CASK: variants seen among roughly 807,000 people sequenced by gnomAD.
The protein encoded by CASK is peripheral plasma membrane protein CASK.
CASK carries 4 observed loss-of-function variants against 82.9 expected under a neutral mutation model. The ratio of observed to expected loss-of-function variants is 0.05; its 90% CI spans 0.02 to 0.11. The LOEUF (loss-of-function observed/expected upper bound fraction) is 0.11. Ranked by LOEUF, CASK falls within the 10% of genes least tolerant of loss-of-function variation. CASK has a pLI of 1.00. For synonymous variants in CASK, 259 were observed against 253.5 expected, an observed-to-expected ratio of 1.02 and a Z score of -0.20; for missense variants, 358 against 720.9, an observed-to-expected ratio of 0.50 and a Z score of 5.76.
intron 5 of CASK, among the ~76,000 whole-genome samples, chrX:41,715,455 A>G (rs753607120): frequency 7.7e-4 from 85 of 111,005 alleles, no homozygotes; most frequent in African/African-American, 2.7e-3. Context: ...CCCCGTCTCT[A>G]CTAAAAATAC....
chrX:41,592,775 T>A (rs944773805), intron 12 of CASK, among the ~76,000 whole-genome samples: 3 of 112,012 alleles, frequency 2.7e-5, no homozygotes, highest in African/African-American at 9.7e-5. Context: ...TGATAGTTAC[T>A]AGTCTAAGCT....
intron 5 of CASK, chrX:41,727,869 T>C: frequency 1.7e-6 from 2 of 1,203,399 alleles, no homozygotes; most frequent in Non-Finnish European, 2.3e-6. Flanking sequence ...GAGATAACTG[T>C]CAGCAATTGA....
rs5918194 is a variant in CASK at position 41,523,748 on chromosome X, C to T, written c.2604+203G>A. Among the ~76,000 whole-genome samples, 11,542 of 111,642 alleles carry T rather than the reference C, an allele frequency of 0.1. 487 individuals carry two copies. Among genetic ancestry groups the T allele is most frequent in the Middle Eastern group, 0.16 (35 of 216 alleles). ...AGGTTGTGAGACACCTGGGATGCCT[C>T]GGTCCTGGTGGGAGTGAGGGTGTTT... On this transcript the variant is annotated intron_variant, in intron 26 of 26. Transcript: ENST00000378163.
chrX:41,704,881 G>A (rs1168845939), intron 5 of CASK, among the ~76,000 whole-genome samples: 3 of 111,914 alleles, frequency 2.7e-5, no homozygotes, highest in Non-Finnish European at 5.6e-5. Context: ...AGGAATTATA[G>A]TAGTACCTAA....
Position 41,586,949 on chromosome X carries a change from G to A in CASK, c.1272C>T (p.Asp424=), listed in dbSNP as rs756399346. ...EEISCYPENN[D]AKELKRILTQ... ...TTAAAATACGCTTTAGTTCCTTTGC[G>A]TCGTTATTCTCAGGGTAACATGAAA... The change falls in exon 14 of 27, where the codon GAC becomes GAT. Residue 424 remains aspartate (D), a synonymous_variant. Coordinates refer to ENST00000378163, the MANE Select transcript of CASK (RefSeq NM_001367721.1). The A allele has an allele frequency of 1.0e-5, 12 of 1,180,580 alleles. No homozygotes were observed. The African/African-American group carries it at 1.1e-4, about 10-fold the overall frequency.
chrX:41,536,053 T>C (rs2064869197), intron 22 of CASK, among the ~76,000 whole-genome samples: 1 of 111,689 alleles, frequency 9.0e-6, no homozygotes, highest in African/African-American at 3.3e-5. Context: ...TTTAGAGGGG[T>C]TAAAATAAAT....
intron 8 of CASK, among the ~76,000 whole-genome samples, chrX:41,643,082 G>C (rs1424432315): frequency 9.0e-6 from 1 of 110,758 alleles, no homozygotes; most frequent in African/African-American, 3.3e-5. Context: ...ATTTCTGAGG[G>C]CTCTGTTCTG....
At chrX:41,915,090 C>A (rs1292310236) in intron 1 of CASK, among the ~76,000 whole-genome samples, 1 of 111,340 alleles carries the variant, frequency 9.0e-6, no homozygotes, top group African/African-American at 3.3e-5. Flanking sequence ...TCTGTGCAGC[C>A]CATTATCCTG....
At chrX:41,841,714 G>C (rs777200748) in intron 2 of CASK, among the ~76,000 whole-genome samples, 1 of 110,780 alleles carries the variant, frequency 9.0e-6, no homozygotes, top group Admixed American at 9.6e-5. Context: ...AGTAGAGACA[G>C]GGTTTTGCCA....
At chrX:41,844,754 T>C (rs997344185) in intron 2 of CASK, among the ~76,000 whole-genome samples, 1 of 111,909 alleles carries the variant, frequency 8.9e-6, no homozygotes, top group Non-Finnish European at 1.9e-5. Context: ...AGTTTTCTTT[T>C]CCAGTTTCTT....
intron 5 of CASK, chrX:41,727,131 C>T: frequency 1.7e-6 from 2 of 1,197,955 alleles, no homozygotes; most frequent in Non-Finnish European, 2.3e-6. Context: ...GAAACACTCT[C>T]TCTCAATGGA....
At chrX:41,651,044 T>C (rs1259939515) in intron 8 of CASK, among the ~76,000 whole-genome samples, 1 of 112,363 alleles carries the variant, frequency 8.9e-6, no homozygotes, top group East Asian at 2.8e-4. Flanking sequence ...TTTTTGTCTT[T>C]CTTGTGCTAG....
intron 1 of CASK, among the ~76,000 whole-genome samples, chrX:41,877,032 C>G (rs1257807939): frequency 9.0e-6 from 1 of 111,567 alleles, no homozygotes; most frequent in Non-Finnish European, 1.9e-5. Context: ...GTTACAGTCA[C>G]TCTGCGCCAG....
chrX:41,777,638 T>C lies in CASK; in HGVS notation c.278+9540A>G, dbSNP rs185153513. Among the ~76,000 whole-genome samples, 8 of 111,516 alleles carry C rather than the reference T, an allele frequency of 7.2e-5. No homozygotes were observed. The East Asian group carries it at 1.7e-3, about 23-fold the overall frequency. On this transcript the variant is annotated intron_variant, in intron 3 of 26. Transcript: ENST00000378163. ...TTCTGAGAGAAGAAGGGGATTATCA[T>C]GAGAAAGGGGAATTCAGGGGCTGTT...
intron 5 of CASK, among the ~76,000 whole-genome samples, chrX:41,691,233 G>A (rs2067550805): frequency 9.0e-6 from 1 of 111,708 alleles, no homozygotes; most frequent in Non-Finnish European, 1.9e-5. Context: ...TGGCTATCGG[G>A]TCTAGAAGTT....
At chrX:41,653,648 G>T (rs779207099) in intron 8 of CASK, among the ~76,000 whole-genome samples, 1 of 112,372 alleles carries the variant, frequency 8.9e-6, no homozygotes, top group South Asian at 3.7e-4. Flanking sequence ...GAAGGTAGTT[G>T]ATGTGAGGGA....
intron 5 of CASK, among the ~76,000 whole-genome samples, chrX:41,713,618 G>A (rs991301237): frequency 2.7e-5 from 3 of 112,000 alleles, no homozygotes; most frequent in Non-Finnish European, 5.6e-5. Context: ...AAACATGAGC[G>A]TAATTAACAA....
chrX:41,608,930 T>A (rs886564044), intron 12 of CASK, among the ~76,000 whole-genome samples: 18 of 112,268 alleles, frequency 1.6e-4, no homozygotes, highest in African/African-American at 5.2e-4. Flanking sequence ...CTAACCTCAA[T>A]GGATTCTTTT....
intron 5 of CASK, among the ~76,000 whole-genome samples, chrX:41,737,152 T>G (rs2068512480): frequency 8.9e-6 from 1 of 111,943 alleles, no homozygotes; most frequent in African/African-American, 3.2e-5. Flanking sequence ...CCTAAGACAC[T>G]GTCTTGCTGG....
Sources: gnomAD v4.1 joint callset for allele counts (sites outside exome capture counted in the v4.1 genomes callset) on GRCh38, gnomAD v4.1.1 for gene constraint, MANE v1.5 for transcripts, NCBI Gene and HGNC (gene_info 2026-07-23, HGNC 2026-07-21) for gene names.